AHR: variants seen among roughly 807,000 people sequenced by gnomAD.
AHR encodes the protein aryl hydrocarbon receptor, also known as AH-receptor.
AHR carries 40 observed loss-of-function variants against 86.8 expected under a neutral mutation model. The observed-to-expected ratio is 0.46, with a 90% CI of 0.36 to 0.60. The LOEUF (loss-of-function observed/expected upper bound fraction) is 0.60. AHR is among the 20% of genes least tolerant of loss of function. The pLI is 0.00. For synonymous variants in AHR, 398 were observed against 354.9 expected (o/e 1.12, Z -1.37); for missense variants, 1,001 against 1,011.6 (o/e 0.99, Z 0.14).
intron 2 of AHR, among the ~76,000 whole-genome samples, chr7:17,319,043 T>C (rs940100595): frequency 1.3e-5 from 2 of 152,114 alleles, no homozygotes; most frequent in African/African-American, 4.8e-5. Context: ...TTCAAACCCA[T>C]GTTGTTCAAG....
At position 17,340,197 on chromosome 7, in the gene AHR, T is replaced by G. The variant is rs138444833; in HGVS notation, c.2372T>G (p.Val791Gly). The G allele has an allele frequency of 5.6e-5, 91 of 1,611,492 alleles. No homozygotes were observed. In the African/African-American group the frequency reaches 1.0e-3, roughly 18 times the overall value. Reference sequence around the variant, plus strand: ...GTGGGTCAGATGCAGTACAATCCAGTACTGCCAGGCCAACAGGCATTTTTA... The same window carrying G: ...GTGGGTCAGATGCAGTACAATCCAGGACTGCCAGGCCAACAGGCATTTTTA... ...THVGQMQYNP[V>G]LPGQQAFLNK... The change falls in exon 10 of 11, where the codon GTA (valine) becomes GGA (glycine). Residue 791 changes from valine to glycine, a missense_variant. Physicochemically the swap from Val to Gly is moderately radical, Grantham distance 109 (BLOSUM62 -3). Coordinates refer to ENST00000242057, the MANE Select transcript of AHR (RefSeq NM_001621.5).
At chr7:17,308,742 G>A (rs1299539947) in intron 1 of AHR, among the ~76,000 whole-genome samples, 2 of 151,274 alleles carry the variant, frequency 1.3e-5, no homozygotes, top group African/African-American at 4.9e-5. Flanking sequence ...TCATTTTACC[G>A]ATGTATTACC....
At chr7:17,327,506 T>A (rs1040902649) in intron 3 of AHR, among the ~76,000 whole-genome samples, 3 of 151,936 alleles carry the variant, frequency 2.0e-5, no homozygotes, top group Non-Finnish European at 4.4e-5. Context: ...ATCTGAAACA[T>A]GAAGAAGATG....
intron 2 of AHR, among the ~76,000 whole-genome samples, chr7:17,318,169 A>C (rs926155651): frequency 1.4e-4 from 22 of 152,176 alleles, no homozygotes; most frequent in African/African-American, 5.3e-4. Context: ...TGCAAACTAT[A>C]GTAACAAAAT....
At chr7:17,308,571 G>T (rs1782028978) in intron 1 of AHR, among the ~76,000 whole-genome samples, 1 of 152,046 alleles carries the variant, frequency 6.6e-6, no homozygotes, top group Non-Finnish European at 1.5e-5. Context: ...AAGTAATTAG[G>T]TGTGACTTGA....
chr7:17,334,892 G>A lies in AHR; in HGVS notation c.914G>A (p.Arg305Lys), dbSNP rs769847453. ...FTPIGCDAKG[R>K]IVLGYTEAEL... Reference sequence around the variant, plus strand: ...CCTTTTTTTATTTTAAACAGAGGAAGAATTGTTTTAGGATATACTGAAGCA... The same window carrying A: ...CCTTTTTTTATTTTAAACAGAGGAAAAATTGTTTTAGGATATACTGAAGCA... The change falls in exon 8 of 11, where the codon AGA becomes AAA. Residue 305 changes from arginine to lysine, a missense_variant. Coordinates refer to ENST00000242057, the MANE Select transcript of AHR (RefSeq NM_001621.5). The A allele has an allele frequency of 1.4e-5, 22 of 1,596,030 alleles. No homozygotes were observed. The highest frequency in any genetic ancestry group is 1.8e-5 in the Non-Finnish European group (21 of 1,171,332).
chr7:17,315,571 G>T (rs1460232976), intron 2 of AHR, among the ~76,000 whole-genome samples: 1 of 151,590 alleles, frequency 6.6e-6, no homozygotes, highest in Middle Eastern at 3.4e-3. Context: ...TTCTTTTTAG[G>T]GAGACTACCG....
At chr7:17,333,649 T>C (rs1782324393) in intron 6 of AHR, among the ~76,000 whole-genome samples, 1 of 151,652 alleles carries the variant, frequency 6.6e-6, no homozygotes, top group Non-Finnish European at 1.5e-5. Flanking sequence ...GCTTGGAAAA[T>C]GATATAGGTT....
intron 1 of AHR, among the ~76,000 whole-genome samples, chr7:17,299,578 C>G (rs1057023018): frequency 2.0e-5 from 3 of 152,256 alleles, no homozygotes; most frequent in Non-Finnish European, 4.4e-5. Context: ...CATACACACC[C>G]TCTCACATTT....
intron 1 of AHR, among the ~76,000 whole-genome samples, chr7:17,306,924 A>G (rs1167219726): frequency 1.3e-5 from 2 of 152,202 alleles, no homozygotes; most frequent in Admixed American, 6.5e-5. Context: ...TATGCTGGGC[A>G]TTAAGGATAC....
intron 4 of AHR, 85 bp from the exon 5 acceptor site, chr7:17,329,867 A>G: frequency 5.6e-6 from 7 of 1,242,856 alleles, no homozygotes; most frequent in Non-Finnish European, 7.7e-6. Flanking sequence ...GCAAGCACCC[A>G]CTAATCTAAA....
Position 17,322,611 on chromosome 7 carries a change from A to G in AHR, c.360+4A>G, listed in dbSNP as rs773075486. 2 of 1,547,046 alleles carry G rather than the reference A, an allele frequency of 1.3e-6. No homozygotes were observed. The highest frequency in any genetic ancestry group is 1.8e-6 in the Non-Finnish European group (2 of 1,121,498). On this transcript the variant is annotated splice_donor_region_variant and intron_variant, in intron 3 of 10. Coordinates refer to ENST00000242057, the MANE Select transcript of AHR (RefSeq NM_001621.5). The stretch of plus-strand genomic sequence containing the variant: ...AGAAGGAGAATTCTTATTACAGGTA[A>G]ATTTTAGTAAATATAGTTTCTTACA...
intron 10 of AHR, among the ~76,000 whole-genome samples, chr7:17,340,568 G>A (rs1322581964): frequency 1.3e-5 from 2 of 151,890 alleles, no homozygotes; most frequent in Non-Finnish European, 2.9e-5. Flanking sequence ...ATTCTTTCTG[G>A]ATTCTTTAAA....
At chr7:17,309,893 T>A in intron 1 of AHR, 43 bp from the exon 2 acceptor site, 1 of 1,460,378 alleles carries the variant, frequency 6.8e-7, no homozygotes, top group South Asian at 1.5e-5. Context: ...TTTTGCTTTA[T>A]ATTTTTTAAA....
rs1246385638 is a variant in AHR, at chr7:17,344,938, T to C, written c.*1874T>C. On this transcript the variant is annotated 3_prime_UTR_variant, in exon 11 of 11. Transcript: ENST00000242057. ...GCCACTGCATTCAGCTCTTCTTTTCTTTAGATATGAGAGCTGAAGAGCTTA... is the reference window on the plus strand; with the variant it reads ...GCCACTGCATTCAGCTCTTCTTTTCCTTAGATATGAGAGCTGAAGAGCTTA... 7 of 147,844 alleles carry C rather than the reference T, an allele frequency of 4.7e-5. No homozygotes were observed. Among genetic ancestry groups the C allele is most frequent in the Non-Finnish European group, 7.5e-5 (5 of 66,994 alleles). 9.2% of individuals were successfully genotyped at this position (147,844 alleles called of 1,614,324 possible).
chr7:17,305,211 T>C (rs1455852126), intron 1 of AHR, among the ~76,000 whole-genome samples: 2 of 152,148 alleles, frequency 1.3e-5, no homozygotes, highest in African/African-American at 2.4e-5. Flanking sequence ...TTGACTCATA[T>C]AGGGAAATAA....
intron 2 of AHR, among the ~76,000 whole-genome samples, chr7:17,316,082 T>C (rs1447467254): frequency 2.6e-5 from 4 of 152,176 alleles, no homozygotes; most frequent in Non-Finnish European, 5.9e-5. Flanking sequence ...GCTAAGGTGA[T>C]AGAGTTGACT....
At chr7:17,335,402 A>G (rs899589255) in intron 8 of AHR, among the ~76,000 whole-genome samples, 17 of 152,056 alleles carry the variant, frequency 1.1e-4, no homozygotes, top group South Asian at 2.1e-4. Context: ...TGTTCTCTCT[A>G]TACTTTCCTG....
At chr7:17,337,395 ATATTT>A (rs541296168) in intron 9 of AHR, among the ~76,000 whole-genome samples, 16 of 150,412 alleles carry the variant, frequency 1.1e-4, no homozygotes, top group African/African-American at 3.9e-4. Flanking sequence ...ACATTTGTTG[ATATTT>A]TATGTGCTTC....
Sources: allele counts gnomAD v4.1 joint callset (sites outside exome capture counted in the v4.1 genomes callset), GRCh38; gene constraint gnomAD v4.1.1; transcripts MANE v1.5; gene names NCBI Gene and HGNC (gene_info 2026-07-23, HGNC 2026-07-21).